The following FAM81B variants were observed in gnomAD, a reference collection of about 807,000 sequenced individuals.
FAM81B encodes the protein family with sequence similarity 81 member B.
A neutral mutation model predicts 58.7 loss-of-function variants in FAM81B; 60 were observed. The observed-to-expected ratio is 1.02, with a 90% CI of 0.83 to 1.27. The LOEUF (loss-of-function observed/expected upper bound fraction) is 1.27, where lower values mean the gene tolerates loss of function less well. Among genes scored for constraint, FAM81B ranks in the 50% most tolerant of loss-of-function variants. The pLI is 0.00. For synonymous variants in FAM81B, 189 were observed against 179.6 expected, an observed-to-expected ratio of 1.05 and a Z score of -0.42; for missense variants, 491 against 522.0, an observed-to-expected ratio of 0.94 and a Z score of 0.58.
chr5:95,407,972 C>T (rs1421796688), intron 3 of FAM81B, among the ~76,000 whole-genome samples: 5 of 152,012 alleles, frequency 3.3e-5, no homozygotes, highest in Admixed American at 1.3e-4. Flanking sequence ...AGCTCTTGGT[C>T]GACACCCCAG....
intron 7 of FAM81B, among the ~76,000 whole-genome samples, chr5:95,439,823 G>A (rs985621520): frequency 6.6e-6 from 1 of 152,092 alleles, no homozygotes. Flanking sequence ...TCTGAATAAA[G>A]AGATTAACTT....
At chr5:95,393,732 T>C (rs1761891556) in intron 2 of FAM81B, among the ~76,000 whole-genome samples, 1 of 152,144 alleles carries the variant, frequency 6.6e-6, no homozygotes, top group African/African-American at 2.4e-5. Flanking sequence ...CTTACACTAA[T>C]GGGAAGGTAA....
chr5:95,397,432 G>T (rs1234985836), intron 3 of FAM81B, among the ~76,000 whole-genome samples: 1 of 152,184 alleles, frequency 6.6e-6, no homozygotes, highest in Non-Finnish European at 1.5e-5. Context: ...AAGGAGAAAA[G>T]GGAAACTTGT....
chr5:95,449,177 G>C (rs1745700101), intron 9 of FAM81B, among the ~76,000 whole-genome samples: 1 of 152,090 alleles, frequency 6.6e-6, no homozygotes, highest in African/African-American at 2.4e-5. Flanking sequence ...AAAAATTCAT[G>C]TGTAAATTCT....
intron 7 of FAM81B, among the ~76,000 whole-genome samples, chr5:95,437,330 A>C (rs1745144508): frequency 6.6e-6 from 1 of 151,902 alleles, no homozygotes; most frequent in Admixed American, 6.6e-5. Flanking sequence ...ACTCCTTTAC[A>C]TTATCATTAT....
Position 95,423,503 on chromosome 5 carries a change from C to T in FAM81B, c.656+3101C>T, listed in dbSNP as rs184328789. On this transcript the variant is annotated intron_variant, in intron 5 of 9. Transcript: ENST00000283357. Reference sequence around the variant, plus strand: ...CCGCAGTCAGAGGCGAACTCTCTAGCCCCATTTGGCTCTTTAGGACTCCAG... The same window carrying T: ...CCGCAGTCAGAGGCGAACTCTCTAGTCCCATTTGGCTCTTTAGGACTCCAG... 3.9e-3 allele frequency among the ~76,000 whole-genome samples: 584 copies of T among 149,600 alleles called. 10 individuals are homozygous for T. The highest frequency in any genetic ancestry group is 1.3e-3 in the Non-Finnish European group (89 of 67,734).
intron 7 of FAM81B, among the ~76,000 whole-genome samples, chr5:95,441,855 T>A (rs1334516530): frequency 6.6e-6 from 1 of 152,178 alleles, no homozygotes; most frequent in Non-Finnish European, 1.5e-5. Flanking sequence ...TAAGCCTACT[T>A]AGTTCTTACA....
At chr5:95,420,479 G>C in intron 5 of FAM81B, 77 bp downstream of exon 5, 1 of 1,582,666 alleles carries the variant, frequency 6.3e-7, no homozygotes. Flanking sequence ...CAAGCTCCAT[G>C]CTGTGGAAAA....
chr5:95,448,488 T>C (rs761205189), intron 9 of FAM81B, 24 bp downstream of exon 9: 1 of 1,575,716 alleles, frequency 6.3e-7, no homozygotes, highest in Non-Finnish European at 8.6e-7. Flanking sequence ...TTTTATTAAG[T>C]AAAGAATATC....
At chr5:95,447,119 T>C (rs906423873) in intron 8 of FAM81B, among the ~76,000 whole-genome samples, 8 of 152,142 alleles carry the variant, frequency 5.3e-5, no homozygotes, top group African/African-American at 1.4e-4. Context: ...ACTCTTTTTT[T>C]CAGATCAGAC....
chr5:95,423,866 C>T (rs143448935), intron 5 of FAM81B, among the ~76,000 whole-genome samples: 145 of 152,272 alleles, frequency 9.5e-4, no homozygotes, highest in African/African-American at 3.3e-3. Context: ...TGATTTTCCA[C>T]TAGTCAACAG....
intron 3 of FAM81B, among the ~76,000 whole-genome samples, chr5:95,400,602 CTG>C (rs1030096644): frequency 6.6e-6 from 1 of 152,180 alleles, no homozygotes; most frequent in Admixed American, 6.5e-5. Context: ...TAAGACTTCA[CTG>C]TTTCTTTTGG....
chr5:95,425,631 G>A (rs9314140), intron 5 of FAM81B, among the ~76,000 whole-genome samples: 31,607 of 151,808 alleles, frequency 0.21, 3,384 homozygotes, highest in African/African-American at 0.26. Context: ...TCTTAGAAAA[G>A]AAATCATGGT....
At chr5:95,392,732 G>A in intron 1 of FAM81B, 62 bp from the exon 2 acceptor site, 1 of 1,395,044 alleles carries the variant, frequency 7.2e-7, no homozygotes, top group Non-Finnish European at 9.9e-7. Context: ...AAAAAAATTA[G>A]CAGCACTGCA....
chr5:95,413,970 T>G lies in FAM81B; in HGVS notation c.317T>G (p.Ile106Ser). Residue 106 changes from isoleucine (I) to serine (S), a missense_variant, in exon 4 of 10, where the codon ATT (isoleucine) becomes AGT (serine). Ile to Ser is a moderately radical substitution (Grantham distance 142). Transcript: ENST00000283357. ...VDKSHAFLPI[I>S]PNTQRGQLED... ...AGGAGTCATGCTTTTCTCCCCATCA[T>G]TCCAAACACCCAGAGAGGTCAGCTA... 5.0e-6 allele frequency: 8 copies of G among 1,613,644 alleles called. No homozygotes were observed. The highest frequency in any genetic ancestry group is 6.8e-6 in the Non-Finnish European group (8 of 1,179,794).
chr5:95,450,115 G>C, intron 9 of FAM81B, 34 bp from the exon 10 acceptor site: 1 of 1,580,584 alleles, frequency 6.3e-7, no homozygotes, highest in Non-Finnish European at 8.6e-7. Context: ...CTAATGCATT[G>C]TTTAAGTGTA....
At chr5:95,398,388 C>T (rs1762017068) in intron 3 of FAM81B, among the ~76,000 whole-genome samples, 1 of 151,720 alleles carries the variant, frequency 6.6e-6, no homozygotes, top group Non-Finnish European at 1.5e-5. Flanking sequence ...CACTGCACTC[C>T]TGCCTGGGTC....
At chr5:95,393,759 G>C (rs2152759565) in intron 2 of FAM81B, among the ~76,000 whole-genome samples, 1 of 152,166 alleles carries the variant, frequency 6.6e-6, no homozygotes, top group East Asian at 1.9e-4. Context: ...CCACTTTATA[G>C]GGCATTCATG....
At chr5:95,447,982 T>C (rs918570294) in intron 8 of FAM81B, among the ~76,000 whole-genome samples, 2 of 152,110 alleles carry the variant, frequency 1.3e-5, no homozygotes, top group East Asian at 3.9e-4. Context: ...AAAAGCAGTA[T>C]CTAAAATGTC....
Sources: allele counts gnomAD v4.1 joint callset (sites outside exome capture counted in the v4.1 genomes callset), GRCh38; gene constraint gnomAD v4.1.1; transcripts MANE v1.5; gene names NCBI Gene and HGNC (gene_info 2026-07-23, HGNC 2026-07-21).